Variants in SLC41A3 observed in about 807,000 individuals in gnomAD.
SLC41A3 encodes the protein SLC41A1-like 2.
In SLC41A3, 44 loss-of-function variants were observed where a neutral mutation model predicts 45.4. The observed-to-expected ratio is 0.97, with a 90% CI of 0.76 to 1.25. SLC41A3 has a LOEUF of 1.25. Ranked by LOEUF, SLC41A3 falls within the 50% of genes most tolerant of loss-of-function variation. The probability of loss-of-function intolerance (pLI) is 0.00; values close to 1 mark genes in which losing one functional copy is unlikely to be tolerated. For missense variants in SLC41A3, 550 were observed against 600.6 expected (o/e 0.92, Z 0.88); for synonymous variants, 256 against 252.4 (o/e 1.01, Z -0.13).
chr3:126,036,834 T>C (rs1055597838), intron 3 of SLC41A3, among the ~76,000 whole-genome samples: 14 of 152,226 alleles, frequency 9.2e-5, no homozygotes, highest in Non-Finnish European at 1.8e-4. Context: ...TTTGCTATCC[T>C]TCTCCTTTCC....
At chr3:126,032,593 G>A (rs1250407287) in intron 4 of SLC41A3, among the ~76,000 whole-genome samples, 1 of 152,200 alleles carries the variant, frequency 6.6e-6, no homozygotes, top group African/African-American at 2.4e-5. Flanking sequence ...TTCCCAAAGT[G>A]AGCTTTCAAC....
intron 1 of SLC41A3, among the ~76,000 whole-genome samples, chr3:126,096,803 C>T (rs1378767219): frequency 6.6e-6 from 1 of 152,212 alleles, no homozygotes; most frequent in African/African-American, 2.4e-5. Flanking sequence ...CCCTGATTTC[C>T]CACTTCACAC....
chr3:126,065,180 A>T (rs965915541), intron 2 of SLC41A3, among the ~76,000 whole-genome samples: 3 of 152,328 alleles, frequency 2.0e-5, no homozygotes, highest in Non-Finnish European at 4.4e-5. Context: ...GAGCCTCATG[A>T]AGAGAATGCA....
At chr3:126,023,110 C>T (rs1941048833) in intron 5 of SLC41A3, 178 bp from the exon 6 acceptor site, 1 of 756,914 alleles carries the variant, frequency 1.3e-6, no homozygotes, top group Non-Finnish European at 2.1e-6. Flanking sequence ...GCTGCCCTGA[C>T]TTTCAGAGCT....
chr3:126,020,014 G>A (rs1940689821), intron 6 of SLC41A3, among the ~76,000 whole-genome samples: 1 of 152,096 alleles, frequency 6.6e-6, no homozygotes, highest in Admixed American at 6.5e-5. Context: ...GGGCCCCCAG[G>A]CTTTGGACAA....
chr3:126,057,933 A>C (rs932762389), intron 2 of SLC41A3: 12 of 152,220 alleles, frequency 7.9e-5, no homozygotes, highest in African/African-American at 2.4e-4. Context: ...CCGAGAGAAC[A>C]AAGTGGAAGA....
chr3:126,018,480 C>T (rs185495355), intron 6 of SLC41A3, among the ~76,000 whole-genome samples: 1 of 152,214 alleles, frequency 6.6e-6, no homozygotes, highest in African/African-American at 2.4e-5. Context: ...CAGGCAACAC[C>T]AGGATGGCAA....
Position 126,051,031 on chromosome 3 carries a change from T to C in SLC41A3, c.293A>G (p.Glu98Gly), listed in dbSNP as rs1403761208. 10 of 1,610,498 alleles carry C rather than the reference T, an allele frequency of 6.2e-6. No homozygotes were observed. The highest frequency in any genetic ancestry group is 8.5e-6 in the Non-Finnish European group (10 of 1,178,408). ...CACCAATGTCAAAAGGTCTTTCACC[T>C]CCACAAACACAGGCCAGTGCTGGTA... ...DYFQHWPVFV[E>G]VKDLLTLVPP... The change falls in exon 3 of 11, where the codon GAG (glutamate) becomes GGG (glycine). Residue 98 changes from glutamate to glycine, a missense_variant. Physicochemically the swap from Glu to Gly is moderately conservative, Grantham distance 98 (BLOSUM62 -2). Coordinates refer to ENST00000360370, the MANE Select transcript of SLC41A3 (RefSeq NM_017836.4).
At chr3:126,044,438 A>G (rs933146553) in intron 3 of SLC41A3, among the ~76,000 whole-genome samples, 1 of 152,236 alleles carries the variant, frequency 6.6e-6, no homozygotes. Flanking sequence ...GACGGTTTGA[A>G]TAACACTAGG....
intron 1 of SLC41A3, among the ~76,000 whole-genome samples, chr3:126,091,365 C>T (rs756003567): frequency 1.3e-5 from 2 of 152,014 alleles, no homozygotes; most frequent in Admixed American, 6.5e-5. Flanking sequence ...AAACAAAAGA[C>T]AACACATGAA....
At chr3:126,050,899 T>C (rs756265187) in intron 3 of SLC41A3, 44 bp downstream of exon 3, 1 of 1,582,066 alleles carries the variant, frequency 6.3e-7, no homozygotes, top group South Asian at 1.2e-5. Context: ...GGGACGCGCC[T>C]GCCTCACGTT....
intron 6 of SLC41A3, among the ~76,000 whole-genome samples, chr3:126,019,545 A>G (rs1447113520): frequency 6.6e-6 from 1 of 152,232 alleles, no homozygotes; most frequent in Non-Finnish European, 1.5e-5. Context: ...ATGTGAGCCT[A>G]TGAAATCAAA....
At chr3:126,060,795 T>C (rs577957336) in intron 2 of SLC41A3, among the ~76,000 whole-genome samples, 1 of 152,270 alleles carries the variant, frequency 6.6e-6, no homozygotes, top group Non-Finnish European at 1.5e-5. Flanking sequence ...GAGCAGCAGG[T>C]GGAAGCCGGG....
chr3:126,087,094 A>G (rs914469253), upstream of SLC41A3, among the ~76,000 whole-genome samples: 3 of 152,176 alleles, frequency 2.0e-5, no homozygotes, highest in Non-Finnish European at 2.9e-5. Flanking sequence ...TCAGAATACT[A>G]TAAGATTAGC....
At chr3:126,100,693 C>T (rs980331477) in intron 1 of SLC41A3, among the ~76,000 whole-genome samples, 24 of 152,146 alleles carry the variant, frequency 1.6e-4, no homozygotes, top group African/African-American at 5.8e-4. Flanking sequence ...GAAGCAGAAA[C>T]ACTAATTTGT....
chr3:126,052,500 GCTCT>G (rs1314521044), intron 2 of SLC41A3, among the ~76,000 whole-genome samples: 1 of 152,190 alleles, frequency 6.6e-6, no homozygotes, highest in Non-Finnish European at 1.5e-5. Flanking sequence ...CCTTCCTCCT[GCTCT>G]CTGAGCACTA....
At chr3:126,043,839 A>C (rs1307722079) in intron 3 of SLC41A3, among the ~76,000 whole-genome samples, 1 of 150,002 alleles carries the variant, frequency 6.7e-6, no homozygotes, top group Non-Finnish European at 1.5e-5. Context: ...CAAAAAAAAA[A>C]CACCCCAGAG....
intron 4 of SLC41A3, among the ~76,000 whole-genome samples, chr3:126,031,885 G>A (rs1941820048): frequency 6.6e-6 from 1 of 152,220 alleles, no homozygotes; most frequent in Non-Finnish European, 1.5e-5. Flanking sequence ...TCAGCCACAG[G>A]ACATGGTGCT....
intron 1 of SLC41A3, chr3:126,070,475 G>A (rs1349118273): frequency 2.0e-5 from 3 of 152,106 alleles, no homozygotes; most frequent in East Asian, 3.8e-4. Flanking sequence ...CCAGTCCATC[G>A]AAAAATTGTC....
Sources: allele counts gnomAD v4.1 joint callset (sites outside exome capture counted in the v4.1 genomes callset), GRCh38; gene constraint gnomAD v4.1.1; transcripts MANE v1.5; gene names NCBI Gene and HGNC (gene_info 2026-07-23, HGNC 2026-07-21).